The following PAG1 variants were observed in gnomAD, a reference collection of about 807,000 sequenced individuals.
The protein encoded by PAG1 is phosphoprotein associated with glycosphingolipid-enriched microdomains 1.
PAG1 carries 23 observed loss-of-function variants against 31.7 expected under a neutral mutation model. The observed-to-expected ratio is 0.73, with a 90% CI of 0.52 to 1.03. The LOEUF (loss-of-function observed/expected upper bound fraction) is 1.03. Ranked by LOEUF, PAG1 falls within the 50% of genes least tolerant of loss-of-function variation. The probability of loss-of-function intolerance (pLI) is 0.00; values close to 1 mark genes in which losing one functional copy is unlikely to be tolerated. For synonymous variants in PAG1, 214 were observed against 210.3 expected (o/e 1.02, Z -0.15); for missense variants, 473 against 540.7 (o/e 0.87, Z 1.24).
intron 3 of PAG1, among the ~76,000 whole-genome samples, chr8:81,013,361 G>T (rs1808017118): frequency 1.3e-5 from 2 of 152,220 alleles, no homozygotes; most frequent in East Asian, 3.9e-4. Flanking sequence ...CCCATATCCA[G>T]CTGCACCTGG....
intron 3 of PAG1, among the ~76,000 whole-genome samples, chr8:81,025,683 T>C (rs1808264149): frequency 6.6e-6 from 1 of 152,170 alleles, no homozygotes; most frequent in Non-Finnish European, 1.5e-5. Flanking sequence ...GCTCGGGCGT[T>C]CCTCTGCAGG....
intron 2 of PAG1, among the ~76,000 whole-genome samples, chr8:81,053,393 G>A (rs1808764184): frequency 6.6e-6 from 1 of 152,118 alleles, no homozygotes; most frequent in Non-Finnish European, 1.5e-5. Context: ...TCTTACTTGT[G>A]AAACAGTATC....
chr8:81,030,155 T>C (rs1056051124), intron 2 of PAG1, 66 bp from the exon 3 acceptor site: 1 of 152,258 alleles, frequency 6.6e-6, no homozygotes, highest in African/African-American at 2.4e-5. Flanking sequence ...AAGATACTTG[T>C]TCAGTTCACT....
At chr8:80,979,904 GGAATATGC>G (rs1034972181) in intron 8 of PAG1, among the ~76,000 whole-genome samples, 6 of 152,098 alleles carry the variant, frequency 3.9e-5, no homozygotes, top group Admixed American at 3.9e-4. Flanking sequence ...CTGGTGCTTG[GGAATATGC>G]GATCTGCTCT....
intron 3 of PAG1, 106 bp from the exon 4 acceptor site, chr8:80,993,413 G>C: frequency 3.5e-6 from 2 of 569,878 alleles, no homozygotes; most frequent in Non-Finnish European, 6.0e-6. Context: ...TCAGGGAAGC[G>C]TGTGCTGGAT....
At chr8:80,997,609 T>C (rs1164312754) in intron 3 of PAG1, among the ~76,000 whole-genome samples, 1 of 152,220 alleles carries the variant, frequency 6.6e-6, no homozygotes, top group Non-Finnish European at 1.5e-5. Flanking sequence ...GTAAATATTC[T>C]TTGAGTTATT....
intron 3 of PAG1, among the ~76,000 whole-genome samples, chr8:80,996,472 C>A (rs1297263833): frequency 6.6e-6 from 1 of 152,212 alleles, no homozygotes; most frequent in African/African-American, 2.4e-5. Context: ...GCTGCCCATG[C>A]CTTCTCTGGC....
chr8:80,984,975 T>G lies in PAG1; in HGVS notation c.677A>C (p.Glu226Ala). 6.2e-7 allele frequency: 1 copy of G among 1,614,178 alleles called. No individual in the cohort carries two copies. Among genetic ancestry groups the G allele is most frequent in the Non-Finnish European group, 8.5e-7 (1 of 1,180,024 alleles). Residue 226 changes from glutamate to alanine, a missense_variant, in exon 7 of 9, where the codon GAA becomes GCA. By Grantham distance (107) the Glu-to-Ala change is moderately radical. Transcript: ENST00000220597. ...TTTGTTTCTGTCCACCGAGGCATAT[T>G]CAGCAAACTCAGCTTTGCCTTCAGT... ...PQTEGKAEFA[E>A]YASVDRNKKC... is the part of the protein sequence containing the mutation.
intron 5 of PAG1, among the ~76,000 whole-genome samples, chr8:80,989,141 C>T (rs1339985306): frequency 6.6e-6 from 1 of 152,306 alleles, no homozygotes; most frequent in African/African-American, 2.4e-5. Flanking sequence ...ATAGTTCATG[C>T]TGTGCAATGA....
At chr8:81,073,739 G>A (rs566584719) in intron 1 of PAG1, among the ~76,000 whole-genome samples, 1 of 152,206 alleles carries the variant, frequency 6.6e-6, no homozygotes, top group Non-Finnish European at 1.5e-5. Context: ...CTTTCTAGTG[G>A]AGGTGGGGAA....
At position 81,086,143 on chromosome 8, in the gene PAG1, G is replaced by A. The variant is rs568595311; in HGVS notation, c.-233-15973C>T. Reference sequence around the variant, plus strand: ...ACTACAGGCGCCCGCTACCACGCCCGGCTAATTTTTTGTATTTTTAGTAGA... The same window carrying A: ...ACTACAGGCGCCCGCTACCACGCCCAGCTAATTTTTTGTATTTTTAGTAGA... On this transcript the variant is annotated intron_variant, in intron 1 of 8. Transcript: ENST00000220597. Among the ~76,000 whole-genome samples the A allele has an allele frequency of 1.8e-3, 269 of 150,510 alleles. 2 individuals are homozygous for A. The highest frequency in any genetic ancestry group is 6.4e-3 in the African/African-American group (261 of 40,880).
rs1001948209 is a variant in PAG1 at position 80,973,542 on chromosome 8, A to G, written c.*3002T>C. Reference sequence around the variant, plus strand: ...TAGATTTATAATTCTTACTTACAAGATAAAAAAATTTCCTAAAATTTATTT... The same window carrying G: ...TAGATTTATAATTCTTACTTACAAGGTAAAAAAATTTCCTAAAATTTATTT... On this transcript the variant is annotated 3_prime_UTR_variant, in exon 9 of 9. Coordinates refer to ENST00000220597, the MANE Select transcript of PAG1 (RefSeq NM_018440.4). 6.6e-6 allele frequency: 1 copy of G among 152,240 alleles called. No homozygotes were observed. Among genetic ancestry groups the G allele is most frequent in the Non-Finnish European group, 1.5e-5 (1 of 68,036 alleles). The allele number at this position is 152,240 out of a possible 1,614,324, so 9.4% of individuals were successfully genotyped here. A position where few individuals can be genotyped will look rare whatever the true frequency, so the allele number is the denominator to read the frequency against.
At chr8:81,011,506 T>TA (rs1159878913) in intron 3 of PAG1, among the ~76,000 whole-genome samples, 1 of 152,202 alleles carries the variant, frequency 6.6e-6, no homozygotes, top group Non-Finnish European at 1.5e-5. Context: ...CTTTTTTTTT[T>TA]ATAAGTGACC....
Position 80,985,203 on chromosome 8 carries a change from C to A in PAG1, c.449G>T (p.Ser150Ile), listed in dbSNP as rs550002455. 3.7e-6 allele frequency: 6 copies of A among 1,614,168 alleles called. No homozygotes were observed. The highest frequency in any genetic ancestry group is 2.7e-5 in the African/African-American group (2 of 75,032). ...CCCCAGCCCCTGGTCCCCGTCCACA[C>A]TTCTCGCCGTGAGCATGGTATCCAC... ...SAVDTMLTAR[S>I]VDGDQGLGME... The change falls in exon 7 of 9, where the codon AGT (serine) becomes ATT (isoleucine). Residue 150 changes from serine to isoleucine, a missense_variant. Coordinates refer to ENST00000220597, the MANE Select transcript of PAG1 (RefSeq NM_018440.4).
At chr8:81,073,839 G>A (rs534539444) in intron 1 of PAG1, among the ~76,000 whole-genome samples, 69 of 152,272 alleles carry the variant, frequency 4.5e-4, no homozygotes, top group Admixed American at 4.4e-3. Context: ...GGGAGTGGGC[G>A]CTGCTTTGAG....
At chr8:81,055,227 C>G (rs1808799328) in intron 2 of PAG1, among the ~76,000 whole-genome samples, 2 of 151,956 alleles carry the variant, frequency 1.3e-5, no homozygotes, top group African/African-American at 4.8e-5. Context: ...CCATGCCTGG[C>G]TAATTTTTAA....
chr8:81,060,590 C>A (rs979019631), intron 2 of PAG1, among the ~76,000 whole-genome samples: 4 of 152,176 alleles, frequency 2.6e-5, no homozygotes, highest in African/African-American at 7.2e-5. Flanking sequence ...GACTTTATGG[C>A]ATGTACAAAA....
At chr8:80,984,672 A>C (rs1807376044) in intron 7 of PAG1, 104 bp downstream of exon 7, 1 of 1,104,748 alleles carries the variant, frequency 9.1e-7, no homozygotes, top group Admixed American at 2.4e-5. Flanking sequence ...CATTCAACAA[A>C]CTGGAAAGTG....
intron 1 of PAG1, among the ~76,000 whole-genome samples, chr8:81,104,868 C>G (rs1183215454): frequency 1.3e-5 from 2 of 152,098 alleles, no homozygotes; most frequent in Non-Finnish European, 2.9e-5. Flanking sequence ...TAAAAAAGTA[C>G]TCAAATTCAT....
Sources: gnomAD v4.1 joint callset for allele counts (sites outside exome capture counted in the v4.1 genomes callset) on GRCh38, gnomAD v4.1.1 for gene constraint, MANE v1.5 for transcripts, NCBI Gene and HGNC (gene_info 2026-07-23, HGNC 2026-07-21) for gene names.